Variants in SRPX observed in about 807,000 individuals in gnomAD.
SRPX encodes the protein sushi repeat containing protein X-linked.
In SRPX, 24 loss-of-function variants were observed where a neutral mutation model predicts 38.1. That is an observed-to-expected ratio of 0.63 (90% CI 0.46 to 0.89). The LOEUF is 0.89. Ranked by LOEUF, SRPX falls within the 40% of genes least tolerant of loss-of-function variation. SRPX has a pLI of 0.00. For missense variants in SRPX, 416 were observed against 377.8 expected, an observed-to-expected ratio of 1.10 and a Z score of -0.84; for synonymous variants, 184 against 153.8, an observed-to-expected ratio of 1.20 and a Z score of -1.45.
At chrX:38,168,734 G>A (rs757509878) in intron 4 of SRPX, among the ~76,000 whole-genome samples, 1 of 112,509 alleles carries the variant, frequency 8.9e-6, no homozygotes, top group East Asian at 2.8e-4. Context: ...CCCCCAGCCA[G>A]AGCGTAATCT....
intron 1 of SRPX, among the ~76,000 whole-genome samples, chrX:38,210,541 C>T (rs951040418): frequency 5.4e-5 from 6 of 112,081 alleles, no homozygotes; most frequent in African/African-American, 1.9e-4. Flanking sequence ...CAGGGCAGCA[C>T]ATCTGGAGAC....
chrX:38,184,391 T>A (rs1938730892), intron 1 of SRPX, among the ~76,000 whole-genome samples: 1 of 111,891 alleles, frequency 8.9e-6, no homozygotes, highest in Admixed American at 9.5e-5. Context: ...TAGACATAAT[T>A]TTAATATTGT....
intron 5 of SRPX, among the ~76,000 whole-genome samples, chrX:38,161,351 G>A (rs1240269258): frequency 1.8e-5 from 2 of 109,771 alleles, no homozygotes; most frequent in Non-Finnish European, 3.8e-5. Flanking sequence ...AAAATATAGG[G>A]CCCAAGTCTC....
At chrX:38,177,885 T>C (rs943972419) in intron 2 of SRPX, among the ~76,000 whole-genome samples, 1 of 112,276 alleles carries the variant, frequency 8.9e-6, no homozygotes, top group African/African-American at 3.2e-5. Context: ...AATCAAGTTT[T>C]CTCCTTCCCC....
Position 38,160,068 on chromosome X carries a change from G to A in SRPX, c.904C>T (p.Arg302Ter). 2 of 1,211,351 alleles carry A rather than the reference G, an allele frequency of 1.7e-6. No homozygotes were observed. Among genetic ancestry groups the A allele is most frequent in the Non-Finnish European group, 2.2e-6 (2 of 895,257 alleles). Residue 302 changes from arginine to a stop codon, truncating the protein, a stop_gained, in exon 7 of 10, where the codon CGA becomes TGA. Coordinates refer to ENST00000378533, the MANE Select transcript of SRPX (RefSeq NM_006307.5). LOFTEE classifies it high-confidence loss of function. The part of the protein sequence containing the change: ...GGYELQGSPA[R>*]VCQSNLAWSG... ...CAAGCCAGGTTGGATTGACATACTCGGGCAGGGCTACCCTGGAGCTCATAG... is the reference window on the plus strand; with the variant it reads ...CAAGCCAGGTTGGATTGACATACTCAGGCAGGGCTACCCTGGAGCTCATAG...
intron 7 of SRPX, among the ~76,000 whole-genome samples, chrX:38,157,588 AG>A (rs1938157312): frequency 8.9e-6 from 1 of 112,020 alleles, no homozygotes; most frequent in African/African-American, 3.3e-5. Context: ...TGGGTAATTC[AG>A]GATACTCTTC....
chrX:38,168,356 A>G (rs1207336113), intron 4 of SRPX, among the ~76,000 whole-genome samples: 1 of 109,375 alleles, frequency 9.1e-6, no homozygotes, highest in Non-Finnish European at 1.9e-5. Flanking sequence ...AGAGAAAGAG[A>G]CTCAGCCAGA....
intron 1 of SRPX, among the ~76,000 whole-genome samples, chrX:38,195,886 C>T (rs767368559): frequency 9.0e-6 from 1 of 111,722 alleles, no homozygotes; most frequent in African/African-American, 3.3e-5. Context: ...GCAATTTTAC[C>T]TGAGCTCAAA....
chrX:38,173,106 C>A (rs1938503832), intron 3 of SRPX, among the ~76,000 whole-genome samples: 2 of 112,359 alleles, frequency 1.8e-5, no homozygotes, highest in African/African-American at 6.5e-5. Flanking sequence ...ATGGCTGCAG[C>A]CTTGAAACCT....
rs770522462 is a variant in SRPX at position 38,154,570 on chromosome X, C to T, written c.1103G>A (p.Gly368Asp). ...QLGMLQQAQC[G>D]LDLRHITVVE... is the part of the protein sequence containing the mutation. ...CACGGTGATGTGTCGAAGATCAAGG[C>T]CACACTGTGCTTGCTGGGAAAAAGA... Residue 368 changes from glycine (G) to aspartate (D), a missense_variant, in exon 9 of 10, where the codon GGC becomes GAC. Coordinates refer to ENST00000378533, the MANE Select transcript of SRPX (RefSeq NM_006307.5). 1.7e-6 allele frequency: 2 copies of T among 1,208,614 alleles called. No homozygotes were observed. Among genetic ancestry groups the T allele is most frequent in the Admixed American group, 2.2e-5 (1 of 45,681 alleles).
intron 9 of SRPX, among the ~76,000 whole-genome samples, chrX:38,151,290 G>A (rs1319803585): frequency 8.9e-6 from 1 of 111,809 alleles, no homozygotes; most frequent in Non-Finnish European, 1.9e-5. Context: ...CTGAACACGC[G>A]AATGTAGGCT....
intron 1 of SRPX, among the ~76,000 whole-genome samples, chrX:38,186,797 C>T (rs926133573): frequency 8.9e-6 from 1 of 111,997 alleles, no homozygotes; most frequent in East Asian, 2.8e-4. Context: ...TATGGAGGAA[C>T]ATGAAGCCAG....
At chrX:38,177,998 T>G (rs1251925619) in intron 2 of SRPX, among the ~76,000 whole-genome samples, 1 of 112,227 alleles carries the variant, frequency 8.9e-6, no homozygotes, top group Admixed American at 9.4e-5. Flanking sequence ...GATTTTCACT[T>G]TCATCAGCTA....
intron 1 of SRPX, among the ~76,000 whole-genome samples, chrX:38,218,386 A>G (rs956683960): frequency 8.9e-6 from 1 of 112,261 alleles, no homozygotes; most frequent in Non-Finnish European, 1.9e-5. Flanking sequence ...CTTTTCTACA[A>G]ATTTTCCATA....
At chrX:38,218,546 C>G (rs976698733) in intron 1 of SRPX, among the ~76,000 whole-genome samples, 5 of 112,408 alleles carry the variant, frequency 4.4e-5, no homozygotes, top group Non-Finnish European at 9.4e-5. Context: ...CTCACTCTGA[C>G]AGATGTGCTA....
chrX:38,188,458 T>C (rs1266732193), intron 1 of SRPX, among the ~76,000 whole-genome samples: 1 of 111,906 alleles, frequency 8.9e-6, no homozygotes, highest in Non-Finnish European at 1.9e-5. Flanking sequence ...TGTAGTGAAA[T>C]AGAATTGAAA....
At chrX:38,162,336 C>T (rs1358163913) in intron 5 of SRPX, among the ~76,000 whole-genome samples, 1 of 111,458 alleles carries the variant, frequency 9.0e-6, no homozygotes, top group Non-Finnish European at 1.9e-5. Context: ...AATGCCAGGG[C>T]AGCAAGGAGC....
At position 38,154,454 on chromosome X, in the gene SRPX, C is replaced by T. The variant is rs752205067; in HGVS notation, c.1211+8G>A. The T allele has an allele frequency of 8.3e-6, 10 of 1,200,026 alleles. No individual in the cohort carries two copies. In the South Asian group the frequency reaches 1.6e-4, roughly 20 times the overall value. On this transcript the variant is annotated splice_region_variant and intron_variant, in intron 9 of 9. Transcript: ENST00000378533. Reference sequence around the variant, plus strand: ...GGGATAAGATTTAAGAACAGAACTTCCCCCTACCTGAGCTGCAGCGCTAGG... The same window carrying T: ...GGGATAAGATTTAAGAACAGAACTTTCCCCTACCTGAGCTGCAGCGCTAGG...
rs1372790268 is a variant in SRPX, at chrX:38,171,834, G to A, written c.526+47C>T. 3 of 1,178,299 alleles carry A rather than the reference G, an allele frequency of 2.5e-6. No homozygotes were observed. In the African/African-American group the frequency reaches 5.3e-5, roughly 21 times the overall value. On this transcript the variant is annotated intron_variant, in intron 4 of 9. Transcript: ENST00000378533. ...ACAATCCACGATGTGAACACCCCCTGCTCCTCCCAAAGCAAGTGCCTCCTA... is the reference window on the plus strand; with the variant it reads ...ACAATCCACGATGTGAACACCCCCTACTCCTCCCAAAGCAAGTGCCTCCTA...
Sources: allele counts gnomAD v4.1 joint callset (sites outside exome capture counted in the v4.1 genomes callset), GRCh38; gene constraint gnomAD v4.1.1; transcripts MANE v1.5; gene names NCBI Gene and HGNC (gene_info 2026-07-23, HGNC 2026-07-21).